The following SLC24A2 variants were observed in gnomAD, a reference collection of about 807,000 sequenced individuals.
The protein encoded by SLC24A2 is solute carrier family 24 member 2.
In SLC24A2, 36 loss-of-function variants were observed where a neutral mutation model predicts 62.0. The ratio of observed to expected loss-of-function variants is 0.58; its 90% CI spans 0.44 to 0.77. The LOEUF is 0.77. Among genes scored for constraint, SLC24A2 ranks in the 30% least tolerant of loss-of-function variants. The pLI, the probability that SLC24A2 is intolerant of heterozygous loss-of-function variation, is 0.00. For missense variants in SLC24A2, 846 were observed against 817.9 expected (o/e 1.03, Z -0.42); for synonymous variants, 358 against 294.0 (o/e 1.22, Z -2.23).
intron 2 of SLC24A2, among the ~76,000 whole-genome samples, chr9:19,739,693 A>G (rs544273079): frequency 1.3e-3 from 200 of 152,338 alleles, no homozygotes; most frequent in African/African-American, 4.4e-3. Flanking sequence ...TAAATGTAAA[A>G]GGTTAATAAT....
At chr9:19,750,688 T>G (rs569349117) in intron 2 of SLC24A2, among the ~76,000 whole-genome samples, 1 of 152,300 alleles carries the variant, frequency 6.6e-6, no homozygotes, top group East Asian at 1.9e-4. Flanking sequence ...CAGCTTTTCA[T>G]GCCTAGAGGA....
At chr9:19,705,608 G>C (rs528370898) in intron 2 of SLC24A2, 1 of 228,964 alleles carries the variant, frequency 4.4e-6, no homozygotes, top group African/African-American at 2.3e-5. Context: ...CAGCTCAAAA[G>C]GCAAAAGAGG....
the SLC24A2 span, among the ~76,000 whole-genome samples, chr9:20,117,288 T>C: frequency 1.3e-5 from 2 of 152,162 alleles, no homozygotes; most frequent in African/African-American, 4.8e-5. Context: ...TCCCAGAAGT[T>C]GCAATGTGGA....
At chr9:19,894,820 T>C in the SLC24A2 span, among the ~76,000 whole-genome samples, 6 of 152,216 alleles carry the variant, frequency 3.9e-5, no homozygotes, top group African/African-American at 1.4e-4. Context: ...CCAAATGGAC[T>C]TCCATAATAC....
chr9:19,923,370 T>C, the SLC24A2 span, among the ~76,000 whole-genome samples: 1 of 152,230 alleles, frequency 6.6e-6, no homozygotes, highest in Non-Finnish European at 1.5e-5. Context: ...CTTCATTGAA[T>C]TGATAATACT....
chr9:20,085,686 T>C, the SLC24A2 span, among the ~76,000 whole-genome samples: 1 of 152,222 alleles, frequency 6.6e-6, no homozygotes, highest in Non-Finnish European at 1.5e-5. Context: ...ATGTTTCCAA[T>C]TTACAATAGT....
chr9:19,804,701 A>T, the SLC24A2 span, among the ~76,000 whole-genome samples: 1 of 152,132 alleles, frequency 6.6e-6, no homozygotes, highest in African/African-American at 2.4e-5. Flanking sequence ...GAGCTGTCTT[A>T]TTCCTGATCT....
the SLC24A2 span, among the ~76,000 whole-genome samples, chr9:19,915,678 T>C: frequency 1.8e-3 from 268 of 152,242 alleles, 2 homozygotes; most frequent in African/African-American, 6.1e-3. Flanking sequence ...TATTTGCCTT[T>C]TTCTAATTCC....
chr9:19,909,333 G>T, the SLC24A2 span, among the ~76,000 whole-genome samples: 1 of 152,074 alleles, frequency 6.6e-6, no homozygotes, highest in Non-Finnish European at 1.5e-5. Flanking sequence ...GGCCTGTTGT[G>T]GGGGACGGGG....
the SLC24A2 span, among the ~76,000 whole-genome samples, chr9:20,302,562 T>G: frequency 1.3e-5 from 2 of 152,250 alleles, no homozygotes; most frequent in African/African-American, 4.8e-5. Flanking sequence ...CTTTGGCTTA[T>G]TTTCTAATCA....
At chr9:20,064,470 T>C in the SLC24A2 span, among the ~76,000 whole-genome samples, 6 of 152,198 alleles carry the variant, frequency 3.9e-5, no homozygotes, top group Admixed American at 2.6e-4. Context: ...AAATAAATTA[T>C]TGCCCAATAA....
At chr9:20,181,424 G>A in the SLC24A2 span, among the ~76,000 whole-genome samples, 1 of 152,110 alleles carries the variant, frequency 6.6e-6, no homozygotes, top group Non-Finnish European at 1.5e-5. Flanking sequence ...CATGGTACTG[G>A]TACCAAAACA....
the SLC24A2 span, among the ~76,000 whole-genome samples, chr9:19,935,430 G>C: frequency 6.6e-6 from 1 of 152,004 alleles, no homozygotes; most frequent in Non-Finnish European, 1.5e-5. Context: ...CAGCACTTAA[G>C]AGCAGCAGGG....
At chr9:19,672,542 T>G (rs1383229272) in intron 2 of SLC24A2, among the ~76,000 whole-genome samples, 4 of 146,860 alleles carry the variant, frequency 2.7e-5, no homozygotes, top group Non-Finnish European at 4.4e-5. Flanking sequence ...TATTTAGTTC[T>G]GCTCTGATTT....
chr9:19,978,583 A>G, the SLC24A2 span, among the ~76,000 whole-genome samples: 2 of 152,120 alleles, frequency 1.3e-5, no homozygotes, highest in Non-Finnish European at 2.9e-5. Flanking sequence ...TCAAGGAAAG[A>G]AAAGGGTATT....
At chr9:20,047,995 T>C in the SLC24A2 span, among the ~76,000 whole-genome samples, 1 of 152,136 alleles carries the variant, frequency 6.6e-6, no homozygotes, top group Non-Finnish European at 1.5e-5. Flanking sequence ...AATAGAAGCA[T>C]GGTCAGGATC....
At chr9:20,098,866 T>C in the SLC24A2 span, among the ~76,000 whole-genome samples, 2 of 152,248 alleles carry the variant, frequency 1.3e-5, no homozygotes, top group Non-Finnish European at 2.9e-5. Context: ...TGGTCTAGTA[T>C]TTTCAGAGGT....
intron 8 of SLC24A2, among the ~76,000 whole-genome samples, chr9:19,548,233 A>T (rs1476354972): frequency 6.8e-6 from 1 of 147,620 alleles, no homozygotes; most frequent in Non-Finnish European, 1.5e-5. Context: ...AAGTTATCAA[A>T]ATATTCTATT....
chr9:19,558,903 TAGG>T (rs1382012152), intron 7 of SLC24A2, among the ~76,000 whole-genome samples: 3 of 152,216 alleles, frequency 2.0e-5, no homozygotes, highest in East Asian at 1.9e-4. Context: ...GGGAGGCTCC[TAGG>T]AGAAGACATC....
Sources: allele counts gnomAD v4.1 joint callset (sites outside exome capture counted in the v4.1 genomes callset), GRCh38; gene constraint gnomAD v4.1.1; transcripts MANE v1.5; gene names NCBI Gene and HGNC (gene_info 2026-07-23, HGNC 2026-07-21).